The following TNRC6B variants were observed in gnomAD, a reference collection of about 807,000 sequenced individuals.
TNRC6B encodes trinucleotide repeat-containing gene 6B protein.
A neutral mutation model predicts 203.6 loss-of-function variants in TNRC6B; 52 were observed. The ratio of observed to expected loss-of-function variants is 0.26; its 90% confidence interval spans 0.20 to 0.32. TNRC6B has a LOEUF of 0.32. Ranked by LOEUF, TNRC6B falls within the 10% of genes least tolerant of loss-of-function variation. The pLI is 1.00. For missense variants in TNRC6B, 1,923 were observed against 2,286.2 expected (o/e 0.84, Z 3.24); for synonymous variants, 838 against 845.7 (o/e 0.99, Z 0.16).
chr22:40,094,930 G>C (rs114304392), intron 1 of TNRC6B, among the ~76,000 whole-genome samples: 9 of 152,120 alleles, frequency 5.9e-5, no homozygotes, highest in Non-Finnish European at 7.4e-5. Context: ...GTTTTAGTTG[G>C]TCTTATTGCT....
intron 3 of TNRC6B, among the ~76,000 whole-genome samples, chr22:40,145,067 C>CAAAAAAA (rs768152120): frequency 1.0e-5 from 1 of 96,124 alleles, no homozygotes. Flanking sequence ...TCTAGCTCCA[C>CAAAAAAA]AAAAAAAAAA....
intron 1 of TNRC6B, among the ~76,000 whole-genome samples, chr22:40,115,234 G>A (rs1378148120): frequency 2.6e-5 from 4 of 152,222 alleles, no homozygotes; most frequent in Non-Finnish European, 5.9e-5. Flanking sequence ...CACACTATTT[G>A]GACTAATGAT....
At chr22:40,094,628 A>G (rs916743891) in intron 1 of TNRC6B, among the ~76,000 whole-genome samples, 2 of 152,226 alleles carry the variant, frequency 1.3e-5, no homozygotes, top group Non-Finnish European at 2.9e-5. Context: ...GTAAATATGA[A>G]CTACAACCAA....
At chr22:40,214,749 T>A (rs1363373098) in intron 1 of TNRC6B, among the ~76,000 whole-genome samples, 2 of 152,148 alleles carry the variant, frequency 1.3e-5, no homozygotes, top group Non-Finnish European at 2.9e-5. Flanking sequence ...AGATAGAGTC[T>A]TGCTATATTG....
rs370999187 is a variant in TNRC6B at position 40,265,745 on chromosome 22, G to T, written c.1515G>T (p.Gly505=). 1.2e-6 allele frequency: 2 copies of T among 1,613,960 alleles called. No homozygotes were observed. Among genetic ancestry groups the T allele is most frequent in the South Asian group, 2.2e-5 (2 of 91,074 alleles). Residue 505 remains glycine, a synonymous_variant, in exon 5 of 23, where the codon GGG becomes GGT. Transcript: ENST00000454349. ...KWGEGNKMTS[G]VSQGEWKQPT... is the part of the protein sequence containing the mutation. ...GTGAAGGGAACAAAATGACATCTGG[G>T]GTCTCTCAGGGAGAATGGAAACAGC...
chr22:40,268,734 AC>A (rs1024402532), intron 5 of TNRC6B, among the ~76,000 whole-genome samples: 176 of 150,816 alleles, frequency 1.2e-3, no homozygotes, highest in Middle Eastern at 3.5e-3. Flanking sequence ...ACACGGTGAA[AC>A]CCCGCCTCTA....
intron 4 of TNRC6B, among the ~76,000 whole-genome samples, chr22:40,165,058 A>G (rs1465402490): frequency 6.0e-5 from 9 of 149,926 alleles, no homozygotes; most frequent in Admixed American, 1.3e-4. Context: ...CTGGGATTAC[A>G]GGTGTGAGCC....
At chr22:40,151,679 T>C (rs2068756891) in intron 3 of TNRC6B, among the ~76,000 whole-genome samples, 1 of 151,774 alleles carries the variant, frequency 6.6e-6, no homozygotes, top group South Asian at 2.1e-4. Flanking sequence ...GAAGAGCTCT[T>C]AAAAATTCAA....
intron 1 of TNRC6B, among the ~76,000 whole-genome samples, chr22:40,053,160 TAAAAA>T (rs76520904): frequency 1.3e-4 from 18 of 135,518 alleles, no homozygotes; most frequent in African/African-American, 4.5e-4. Flanking sequence ...AGATTTTCTT[TAAAAA>T]AAAAAAAAAA....
chr22:40,321,786 A>C (rs1204820602), intron 22 of TNRC6B: 2 of 152,832 alleles, frequency 1.3e-5, no homozygotes, highest in South Asian at 2.1e-4. Flanking sequence ...TTCCATCTCA[A>C]AAAAGAAAAA....
Position 40,266,576 on chromosome 22 carries a change from T to G in TNRC6B, c.2346T>G (p.Thr782=), listed in dbSNP as rs746251892. 14 of 1,613,298 alleles carry G rather than the reference T, an allele frequency of 8.7e-6. No individual in the cohort carries two copies. ...WGEGGQNEIG[T]WGNGGNASLA... ...AAGGAGGGCAGAATGAAATCGGGAC[T>G]TGGGGTAATGGTGGCAATGCAAGCC... is the stretch of plus-strand genomic sequence containing the variant. Residue 782 remains threonine, a synonymous_variant, in exon 5 of 23, where the codon ACT becomes ACG. Coordinates refer to ENST00000454349, the MANE Select transcript of TNRC6B (RefSeq NM_001162501.2).
intron 4 of TNRC6B, among the ~76,000 whole-genome samples, chr22:40,170,460 G>T (rs1387990000): frequency 3.9e-3 from 41 of 10,526 alleles, no homozygotes; most frequent in Non-Finnish European, 4.8e-3. Context: ...TATATATATA[G>T]TTTATATATA....
chr22:40,174,619 C>T (rs142085641), upstream of TNRC6B, among the ~76,000 whole-genome samples: 2 of 152,088 alleles, frequency 1.3e-5, no homozygotes, highest in Non-Finnish European at 2.9e-5. Context: ...CGGCAGATCA[C>T]GAGGTGATCA....
At chr22:40,312,393 A>G in intron 17 of TNRC6B, 112 bp from the exon 18 acceptor site, 1 of 1,105,676 alleles carries the variant, frequency 9.0e-7, no homozygotes, top group Non-Finnish European at 1.2e-6. Context: ...TCTAAGAGAC[A>G]ATAAATTCAG....
At chr22:40,249,608 A>G (rs2070157006) in intron 2 of TNRC6B, among the ~76,000 whole-genome samples, 1 of 152,212 alleles carries the variant, frequency 6.6e-6, no homozygotes, top group South Asian at 2.1e-4. Context: ...ATGATAAAAC[A>G]TATTTGACAT....
intron 2 of TNRC6B, among the ~76,000 whole-genome samples, chr22:40,121,627 A>G (rs542964381): frequency 6.6e-6 from 1 of 152,350 alleles, no homozygotes; most frequent in Admixed American, 6.5e-5. Flanking sequence ...GCTAGGCCAG[A>G]GCAGCCAGTG....
chr22:40,193,849 C>T (rs979453352), intron 1 of TNRC6B, among the ~76,000 whole-genome samples: 1 of 150,216 alleles, frequency 6.7e-6, no homozygotes, highest in African/African-American at 2.4e-5. Flanking sequence ...AACAGCGCCA[C>T]CCACCCTCCA....
rs1292227314 is a variant in TNRC6B at position 40,132,943 on chromosome 22, C to CAAAAATAAAAAATA, written c.45+7086_45+7087insTAAAAAATAAAAAA. Reference sequence around the variant, plus strand: ...TGGGGGACAGAGCAAGACTCTGTCTCAAAAAAAAAAAAAAAAAAAAAAAAA... The same window carrying CAAAAATAAAAAATA: ...TGGGGGACAGAGCAAGACTCTGTCTCAAAAATAAAAAATAAAAAAAAAAAAAAAAAAAAAAAAAA... On this transcript the variant is annotated intron_variant, in intron 3 of 23. Coordinates refer to the TNRC6B transcript ENST00000301923. 1.8e-3 allele frequency among the ~76,000 whole-genome samples: 42 copies of CAAAAATAAAAAATA among 23,872 alleles called. 4 individuals carry two copies. Among genetic ancestry groups the CAAAAATAAAAAATA allele is most frequent in the South Asian group, 7.1e-3 (3 of 424 alleles). The allele number at this position is 23,872 out of a possible 152,430, so 15.7% of individuals were successfully genotyped here.
chr22:40,270,813 T>A (rs2070552325), intron 6 of TNRC6B, among the ~76,000 whole-genome samples: 1 of 152,218 alleles, frequency 6.6e-6, no homozygotes, highest in Non-Finnish European at 1.5e-5. Context: ...ATAAGTTAAT[T>A]TTGTTTTAAA....
Sources: gnomAD v4.1 joint callset for allele counts (sites outside exome capture counted in the v4.1 genomes callset) on GRCh38, gnomAD v4.1.1 for gene constraint, MANE v1.5 for transcripts, NCBI Gene and HGNC (gene_info 2026-07-23, HGNC 2026-07-21) for gene names.